Variants in CPAMD8 observed in about 807,000 individuals in gnomAD.
The protein encoded by CPAMD8 is C3 and PZP like alpha-2-macroglobulin domain containing 8.
A neutral mutation model predicts 224.7 loss-of-function variants in CPAMD8; 146 were observed. The ratio of observed to expected loss-of-function variants is 0.65; its 90% CI spans 0.57 to 0.75. The LOEUF (loss-of-function observed/expected upper bound fraction) is 0.75. CPAMD8 is among the 30% of genes least tolerant of loss of function. CPAMD8 has a pLI of 0.00. For synonymous variants in CPAMD8, 966 were observed against 1,044.6 expected (o/e 0.92, Z 1.45); for missense variants, 2,301 against 2,537.5 (o/e 0.91, Z 2.00).
rs148455451 is a variant in CPAMD8, at chr19:16,923,006, G to A, written c.3548-1020C>T. On this transcript the variant is annotated intron_variant, in intron 26 of 41. Coordinates refer to ENST00000443236, the MANE Select transcript of CPAMD8 (RefSeq NM_015692.5). ...AGCAAAACCACCATCTTGGGGCAGC[G>A]CCCTCTGTCCCCCACAGCCCTCTGT... Among the ~76,000 whole-genome samples, 189 of 152,364 alleles carry A rather than the reference G, an allele frequency of 1.2e-3. 4 individuals are homozygous for A. The East Asian group carries it at 0.034, about 28-fold the overall frequency.
rs143329869 is a variant in CPAMD8 at position 16,911,735 on chromosome 19, C to T, written c.3861+2689G>A. 4.9e-4 allele frequency among the ~76,000 whole-genome samples: 75 copies of T among 152,146 alleles called. No individual in the cohort carries two copies. In the South Asian group the frequency reaches 0.012, roughly 25 times the overall value. ...TAATTTTTTGTATTTTTAGTAGAGA[C>T]GGGGTTTCACCAGATTAGCCAGGAT... On this transcript the variant is annotated intron_variant, in intron 29 of 41. Transcript: ENST00000443236.
At chr19:17,016,992 T>C (rs1338571539) in intron 3 of CPAMD8, among the ~76,000 whole-genome samples, 1 of 151,924 alleles carries the variant, frequency 6.6e-6, no homozygotes, top group Non-Finnish European at 1.5e-5. Context: ...AATGGCCTGT[T>C]AGGAATGGGG....
At position 16,914,494 on chromosome 19, in the gene CPAMD8, CCACCCT is replaced by C. The variant is rs2052858910; in HGVS notation, c.3787-2_3790del. On this transcript the variant is annotated splice_acceptor_variant and coding_sequence_variant, in exon 29 of 42. Transcript: ENST00000443236. LOFTEE classifies it high-confidence loss of function. The stretch of plus-strand genomic sequence containing the variant: ...TGTCAGCGGGACAGTGCCGTGGATC[CCACCCT>C]GCAAGGGGACTCACAGGCCTCACCC... 6.2e-7 allele frequency: 1 copy of C among 1,613,972 alleles called. No homozygotes were observed. The highest frequency in any genetic ancestry group is 1.1e-5 in the South Asian group (1 of 91,088).
At chr19:16,917,089 G>A (rs1258928411) in intron 27 of CPAMD8, among the ~76,000 whole-genome samples, 3 of 152,132 alleles carry the variant, frequency 2.0e-5, no homozygotes, top group African/African-American at 4.8e-5. Flanking sequence ...GTTATCAAGT[G>A]ATAAAAAGAA....
At chr19:16,912,594 C>T (rs373019707) in intron 29 of CPAMD8, among the ~76,000 whole-genome samples, 34 of 152,240 alleles carry the variant, frequency 2.2e-4, no homozygotes, top group African/African-American at 6.0e-4. Flanking sequence ...ACTAAAAATA[C>T]GAAAATTAGC....
At chr19:16,992,691 A>G (rs1391645699) in intron 12 of CPAMD8, among the ~76,000 whole-genome samples, 1 of 152,124 alleles carries the variant, frequency 6.6e-6, no homozygotes, top group Non-Finnish European at 1.5e-5. Flanking sequence ...ACCTCAGGTG[A>G]TCCATCTGCC....
intron 23 of CPAMD8, 86 bp downstream of exon 23, chr19:16,938,309 C>T (rs1181055278): frequency 4.5e-6 from 3 of 659,666 alleles, no homozygotes; most frequent in Non-Finnish European, 7.7e-6. Flanking sequence ...AGCGGGACAG[C>T]CCCCACAGTG....
At chr19:16,956,077 G>T (rs561824096) in intron 19 of CPAMD8, among the ~76,000 whole-genome samples, 1 of 152,148 alleles carries the variant, frequency 6.6e-6, no homozygotes. Flanking sequence ...ATTCATCCTT[G>T]CTCCAGCCAA....
intron 18 of CPAMD8, among the ~76,000 whole-genome samples, chr19:16,970,433 G>A (rs1404761410): frequency 2.0e-5 from 3 of 149,934 alleles, no homozygotes; most frequent in Non-Finnish European, 4.5e-5. Flanking sequence ...CTAAAAATAC[G>A]AAAATTAGAC....
chr19:16,977,610 C>G, intron 14 of CPAMD8, 70 bp from the exon 15 acceptor site: 1 of 1,275,066 alleles, frequency 7.8e-7, no homozygotes. Context: ...GCCATTCAGG[C>G]TCTGCCCCAA....
intron 25 of CPAMD8, among the ~76,000 whole-genome samples, chr19:16,927,421 CCT>C (rs770868411): frequency 2.6e-5 from 4 of 152,072 alleles, no homozygotes; most frequent in Admixed American, 6.6e-5. Context: ...GTCAATTAAA[CCT>C]CTTTTTCTTT....
At chr19:16,946,204 T>G (rs985607944) in intron 21 of CPAMD8, among the ~76,000 whole-genome samples, 1 of 151,092 alleles carries the variant, frequency 6.6e-6, no homozygotes, top group East Asian at 2.0e-4. Context: ...TGTCTGCATG[T>G]GCAGGCATGT....
In CPAMD8 at chr19:16,902,949, G is replaced by A. The variant is rs1599658540; in HGVS notation, c.4471-86C>T. 3 of 745,536 alleles carry A rather than the reference G, an allele frequency of 4.0e-6. No individual in the cohort carries two copies. The East Asian group carries it at 8.0e-5, about 20-fold the overall frequency. 46.2% of individuals were successfully genotyped at this position (745,536 alleles called of 1,614,324 possible). ...AGGGGAGGAGAAGGGCAGTGGGGAGGTGGGAACAGCCAGAATTATGAGGAC... is the reference window on the plus strand; with the variant it reads ...AGGGGAGGAGAAGGGCAGTGGGGAGATGGGAACAGCCAGAATTATGAGGAC... On this transcript the variant is annotated intron_variant, in intron 34 of 41. Coordinates refer to ENST00000443236, the MANE Select transcript of CPAMD8 (RefSeq NM_015692.5).
Position 17,022,185 on chromosome 19 carries a change from C to T in CPAMD8, c.93-4G>A, listed in dbSNP as rs556327536. The T allele has an allele frequency of 5.6e-6, 9 of 1,608,904 alleles. No homozygotes were observed. The South Asian group carries it at 8.9e-5, about 16-fold the overall frequency. On this transcript the variant is annotated splice_region_variant and splice_polypyrimidine_tract_variant and intron_variant, in intron 1 of 41. Coordinates refer to ENST00000443236, the MANE Select transcript of CPAMD8 (RefSeq NM_015692.5). ...GGGAGCTGCAATCAAGTAACCCCTG[C>T]AGGAAAGGAGATCCGAGGTGAAGTT...
intron 3 of CPAMD8, among the ~76,000 whole-genome samples, chr19:17,014,200 C>T (rs1020534887): frequency 3.3e-5 from 5 of 151,896 alleles, no homozygotes; most frequent in African/African-American, 1.2e-4. Flanking sequence ...TGCAGGCATG[C>T]ACCACCATGC....
chr19:16,997,384 G>A (rs2056166386), intron 10 of CPAMD8, 46 bp from the exon 11 acceptor site: 1 of 1,119,150 alleles, frequency 8.9e-7, no homozygotes. Flanking sequence ...GGGTTGGAGT[G>A]TCTTTGAGGG....
intron 27 of CPAMD8, 69 bp from the exon 28 acceptor site, chr19:16,914,882 T>A: frequency 1.7e-6 from 2 of 1,179,930 alleles, no homozygotes; most frequent in Non-Finnish European, 2.4e-6. Context: ...GCTGAGGGAT[T>A]GCAGCAAGCT....
At chr19:16,915,878 T>A (rs868806503) in intron 27 of CPAMD8, among the ~76,000 whole-genome samples, 2 of 151,906 alleles carry the variant, frequency 1.3e-5, no homozygotes, top group South Asian at 4.2e-4. Context: ...CTTCTTTCTC[T>A]CTTTTCTTTC....
Position 16,980,600 on chromosome 19 carries a change from A to T in CPAMD8, c.1482T>A (p.Ile494=), listed in dbSNP as rs1160789362. ...GGGCAGGCTGCTGGCCCGATAGCAC[A>T]ATATTGCCCCGTGCAGCCACCTCGT... ...LYYEVAARGN[I]VLSGQQPAHT... Residue 494 remains isoleucine, a synonymous_variant, in exon 14 of 42, where the codon ATT becomes ATA. Coordinates refer to ENST00000443236, the MANE Select transcript of CPAMD8 (RefSeq NM_015692.5). 1 of 1,612,356 alleles carries T rather than the reference A, an allele frequency of 6.2e-7. No homozygotes were observed. Among genetic ancestry groups the T allele is most frequent in the South Asian group, 1.1e-5 (1 of 90,872 alleles).
Sources: gnomAD v4.1 joint callset for allele counts (sites outside exome capture counted in the v4.1 genomes callset) on GRCh38, gnomAD v4.1.1 for gene constraint, MANE v1.5 for transcripts, NCBI Gene and HGNC (gene_info 2026-07-23, HGNC 2026-07-21) for gene names.